The following GPN2 variants were observed in gnomAD, a reference collection of about 807,000 sequenced individuals.
GPN2 encodes the protein ATP-binding domain 1 family member B.
In GPN2, 27 loss-of-function variants were observed where a neutral mutation model predicts 30.1. The observed-to-expected ratio is 0.90, with a 90% confidence interval of 0.66 to 1.24. The LOEUF (loss-of-function observed/expected upper bound fraction) is 1.24, where lower values mean the gene tolerates loss of function less well. Among genes scored for constraint, GPN2 ranks in the 50% most tolerant of loss-of-function variants. The probability of loss-of-function intolerance (pLI) is 0.00; values close to 1 mark genes in which losing one functional copy is unlikely to be tolerated. For missense variants in GPN2, 406 were observed against 405.4 expected, an observed-to-expected ratio of 1.00 and a Z score of -0.01; for synonymous variants, 212 against 174.4, an observed-to-expected ratio of 1.22 and a Z score of -1.70.
Position 26,877,547 on chromosome 1 carries a change from G to A in GPN2, c.*2130C>T, listed in dbSNP as rs2124289461. 1 of 152,298 alleles carries A rather than the reference G, an allele frequency of 6.6e-6. No individual in the cohort carries two copies. Among genetic ancestry groups the A allele is most frequent in the East Asian group, 1.9e-4 (1 of 5,196 alleles). 9.4% of individuals were successfully genotyped at this position (152,298 alleles called of 1,614,324 possible). ...CTTCTCACCAATAAATATACCAAAG[G>A]AGGGATACTCGCAATTTAGTCAGCA... On this transcript the variant is annotated 3_prime_UTR_variant, in exon 5 of 5. Coordinates refer to ENST00000374135, the MANE Select transcript of GPN2 (RefSeq NM_018066.4).
At chr1:26,889,525 C>A (rs1214015132) in intron 1 of GPN2, among the ~76,000 whole-genome samples, 161 bp downstream of exon 1, 1 of 152,214 alleles carries the variant, frequency 6.6e-6, no homozygotes, top group African/African-American at 2.4e-5. Context: ...TTATCAACAC[C>A]ACACAGCCAG....
intron 1 of GPN2, 124 bp from the exon 2 acceptor site, chr1:26,889,249 C>G (rs2081907349): frequency 1.4e-6 from 1 of 733,850 alleles, no homozygotes; most frequent in African/African-American, 1.8e-5. Flanking sequence ...CTGTTTCTTT[C>G]TAATAACCAC....
chr1:26,881,963 C>T (rs935455066), intron 4 of GPN2, among the ~76,000 whole-genome samples: 6 of 152,162 alleles, frequency 3.9e-5, no homozygotes, highest in Non-Finnish European at 7.3e-5. Context: ...CGCCTATAAT[C>T]CCAGCACTTT....
At chr1:26,886,993 CAAAAAAAAAA>C in intron 2 of GPN2, among the ~76,000 whole-genome samples, 1 of 78,822 alleles carries the variant, frequency 1.3e-5, no homozygotes, top group South Asian at 4.7e-4. Flanking sequence ...AACTCTGTCT[CAAAAAAAAAA>C]AAAAAAAAAA....
At position 26,889,715 on chromosome 1, in the gene GPN2, A is replaced by C; in HGVS notation, c.382T>G (p.Phe128Val). 1 of 1,594,928 alleles carries C rather than the reference A, an allele frequency of 6.3e-7. No homozygotes were observed. The highest frequency in any genetic ancestry group is 1.1e-5 in the South Asian group (1 of 89,324). ...CTHHGALRSI[F>V]SQMAQWDLRL... Reference sequence around the variant, plus strand: ...AGGTCCCACTGCGCCATTTGGGAGAAGATGCTGCGCAAGGCGCCGTGATGC... The same window carrying C: ...AGGTCCCACTGCGCCATTTGGGAGACGATGCTGCGCAAGGCGCCGTGATGC... The change falls in exon 1 of 5, where the codon TTC becomes GTC. Residue 128 changes from phenylalanine to valine, a missense_variant. By Grantham distance (50) the Phe-to-Val change is conservative. Coordinates refer to ENST00000374135, the MANE Select transcript of GPN2 (RefSeq NM_018066.4).
chr1:26,885,575 ACT>A (rs2081886202), intron 3 of GPN2, among the ~76,000 whole-genome samples: 4 of 124,264 alleles, frequency 3.2e-5, no homozygotes, highest in African/African-American at 1.2e-4. Context: ...GGCAAAGACC[ACT>A]CTTTTTTTTT....
rs910535748 is a variant in GPN2, at chr1:26,876,880, C to T, written c.*2797G>A. 4.1e-4 allele frequency: 62 copies of T among 151,842 alleles called. No homozygotes were observed. Among genetic ancestry groups the T allele is most frequent in the African/African-American group, 1.5e-3 (61 of 41,410 alleles). 9.4% of individuals were successfully genotyped at this position (151,842 alleles called of 1,614,324 possible). A position where few individuals can be genotyped will look rare whatever the true frequency, so the allele number is the denominator to read the frequency against. ...AGAGAATGCTGAGGGTGCTTGCATA[C>T]GAGACCATAAAGTTGTAAAGGATGC... is the stretch of plus-strand genomic sequence containing the variant. On this transcript the variant is annotated 3_prime_UTR_variant, in exon 5 of 5. Transcript: ENST00000374135.
At chr1:26,889,235 G>A (rs905226403) in intron 1 of GPN2, 110 bp from the exon 2 acceptor site, 2 of 821,954 alleles carry the variant, frequency 2.4e-6, no homozygotes, top group East Asian at 2.7e-5. Flanking sequence ...TTAGTCTCCT[G>A]CCTCTGTTTC....
rs1047306700 is a variant in GPN2, at chr1:26,878,666, C to T, written c.*1011G>A. ...CTGGAGTGCAGTGGTGCAATCTCAG[C>T]TCACTGTAACCTCTGACTCCTGGGT... On this transcript the variant is annotated 3_prime_UTR_variant, in exon 5 of 5. Coordinates refer to ENST00000374135, the MANE Select transcript of GPN2 (RefSeq NM_018066.4). The T allele has an allele frequency of 1.3e-5, 2 of 152,086 alleles. No homozygotes were observed. Among genetic ancestry groups the T allele is most frequent in the Non-Finnish European group, 2.9e-5 (2 of 68,046 alleles). The allele number at this position is 152,086 out of a possible 1,614,324, so 9.4% of individuals were successfully genotyped here.
rs1042318878 is a variant in GPN2 at position 26,885,999 on chromosome 1, C to G, written c.703G>C (p.Val235Leu). ...LVQLIEDYSL[V>L]SFIPLNIQDK... ...TGGATGTTGAGAGGGATAAAGGAGACAAGGCTATAGTCTTCGATGAGCTGC... is the reference window on the plus strand; with the variant it reads ...TGGATGTTGAGAGGGATAAAGGAGAGAAGGCTATAGTCTTCGATGAGCTGC... Residue 235 changes from valine to leucine, a missense_variant, in exon 3 of 5, where the codon GTC (valine) becomes CTC (leucine). Coordinates refer to ENST00000374135, the MANE Select transcript of GPN2 (RefSeq NM_018066.4). 1 of 1,613,466 alleles carries G rather than the reference C, an allele frequency of 6.2e-7. No individual in the cohort carries two copies. The highest frequency in any genetic ancestry group is 8.5e-7 in the Non-Finnish European group (1 of 1,179,610).
At chr1:26,888,902 G>T in intron 2 of GPN2, 67 bp downstream of exon 2, 1 of 1,535,054 alleles carries the variant, frequency 6.5e-7, no homozygotes, top group Non-Finnish European at 9.0e-7. Context: ...GCTACCTTCA[G>T]CTGAGATGTC....
At chr1:26,885,578 C>CTTTTTT (rs35274818) in intron 3 of GPN2, among the ~76,000 whole-genome samples, 1 of 131,892 alleles carries the variant, frequency 7.6e-6, no homozygotes, top group Non-Finnish European at 1.6e-5. Flanking sequence ...AAAGACCACT[C>CTTTTTT]TTTTTTTTTT....
intron 2 of GPN2, among the ~76,000 whole-genome samples, chr1:26,888,625 G>GAAC (rs2081903700): frequency 6.6e-6 from 1 of 152,228 alleles, no homozygotes; most frequent in South Asian, 2.1e-4. Flanking sequence ...CCAGAGAGAT[G>GAAC]AACTGACTTA....
At chr1:26,883,786 C>CAA (rs772763510) in intron 4 of GPN2, among the ~76,000 whole-genome samples, 2 of 133,234 alleles carry the variant, frequency 1.5e-5, no homozygotes, top group Admixed American at 7.6e-5. Flanking sequence ...AACTCCCTTT[C>CAA]AAAAAAAAAA....
At chr1:26,884,040 A>C (rs1346951704) in intron 4 of GPN2, 120 bp downstream of exon 4, 9 of 154,832 alleles carry the variant, frequency 5.8e-5, no homozygotes, top group Non-Finnish European at 9.1e-5. Context: ...ACTCCATCTC[A>C]AAAAAAAAAA....
Position 26,890,045 on chromosome 1 carries a change from G to GA in GPN2, c.51_52insT (p.Pro18SerfsTer14). ...CAGTACGTGGTCTTCCCTGAGCCCG[G>GA]CGGGCCGATCACCGCCTGCCCGAAG... On this transcript the variant is annotated frameshift_variant, in exon 1 of 5. Coordinates refer to ENST00000374135, the MANE Select transcript of GPN2 (RefSeq NM_018066.4). LOFTEE classifies it high-confidence loss of function. The GA allele has an allele frequency of 6.3e-7, 1 of 1,586,610 alleles. No homozygotes were observed. The highest frequency in any genetic ancestry group is 8.5e-7 in the Non-Finnish European group (1 of 1,172,578).
rs1309608576 is a variant in GPN2 at position 26,876,551 on chromosome 1, A to G, written c.*3126T>C. The G allele has an allele frequency of 2.3e-4, 35 of 151,984 alleles. 1 individual carries two copies. The highest frequency in any genetic ancestry group is 2.2e-3 in the Admixed American group (33 of 15,254). 9.4% of individuals were successfully genotyped at this position (151,984 alleles called of 1,614,324 possible). On this transcript the variant is annotated 3_prime_UTR_variant, in exon 5 of 5. Coordinates refer to ENST00000374135, the MANE Select transcript of GPN2 (RefSeq NM_018066.4). ...CATTTTCTAAGTTTTTTACTTTCCT[A>G]TATTTATTAGGAAATTTAAAAATAA... is the stretch of plus-strand genomic sequence containing the variant.
chr1:26,880,804 A>G (rs2081860533), intron 4 of GPN2, among the ~76,000 whole-genome samples: 1 of 152,082 alleles, frequency 6.6e-6, no homozygotes, highest in South Asian at 2.1e-4. Flanking sequence ...ACCTGTCTCA[A>G]CTTTGAACCC....
chr1:26,886,796 C>T (rs1201583153), intron 2 of GPN2, among the ~76,000 whole-genome samples: 7 of 149,836 alleles, frequency 4.7e-5, no homozygotes, highest in African/African-American at 1.7e-4. Context: ...CCAGCCTGGG[C>T]GACACAGCAA....
Sources: allele counts gnomAD v4.1 joint callset (sites outside exome capture counted in the v4.1 genomes callset), GRCh38; gene constraint gnomAD v4.1.1; transcripts MANE v1.5; gene names NCBI Gene and HGNC (gene_info 2026-07-23, HGNC 2026-07-21).